EVI5: variants seen among roughly 807,000 people sequenced by gnomAD.
EVI5 encodes the protein ecotropic viral integration site 5 protein homolog.
Under a neutral mutation model 112.0 loss-of-function variants are expected in EVI5, and 73 were observed. The observed-to-expected ratio is 0.65, with a 90% confidence interval of 0.54 to 0.79. The LOEUF (loss-of-function observed/expected upper bound fraction) is 0.79, where lower values mean the gene tolerates loss of function less well. EVI5 is among the 30% of genes least tolerant of loss of function. The probability of loss-of-function intolerance (pLI) is 0.00; values close to 1 mark genes in which losing one functional copy is unlikely to be tolerated. For synonymous variants in EVI5, 305 were observed against 319.9 expected (o/e 0.95, Z 0.50); for missense variants, 900 against 968.8 (o/e 0.93, Z 0.94).
intron 19 of EVI5, among the ~76,000 whole-genome samples, chr1:92,521,828 C>CA (rs1162670901): frequency 6.6e-6 from 1 of 151,954 alleles, no homozygotes; most frequent in Non-Finnish European, 1.5e-5. Flanking sequence ...TGGAAATTGT[C>CA]AAAAAATGGT....
intron 16 of EVI5, among the ~76,000 whole-genome samples, chr1:92,623,071 A>G (rs1654925236): frequency 3.4e-5 from 1 of 29,402 alleles, no homozygotes; most frequent in African/African-American, 1.6e-4. Context: ...ACAATGGCTT[A>G]AAAGCTGTGT....
At chr1:92,719,190 T>C (rs1299488947) in intron 2 of EVI5, among the ~76,000 whole-genome samples, 1 of 151,226 alleles carries the variant, frequency 6.6e-6, no homozygotes, top group Non-Finnish European at 1.5e-5. Flanking sequence ...CCCTAACTCA[T>C]TTTCTGAGGC....
chr1:92,783,481 C>CA (rs1286517131), intron 1 of EVI5, among the ~76,000 whole-genome samples: 1 of 14,112 alleles, frequency 7.1e-5, no homozygotes, highest in Non-Finnish European at 1.4e-4. Flanking sequence ...GAGACTCAGC[C>CA]TTAAAAAAAA....
intron 10 of EVI5, among the ~76,000 whole-genome samples, chr1:92,666,996 A>C (rs1405347765): frequency 6.6e-6 from 1 of 152,148 alleles, no homozygotes; most frequent in Non-Finnish European, 1.5e-5. Flanking sequence ...CTAAACATCA[A>C]ATTTTCCATT....
At chr1:92,609,211 A>G (rs1005669466) in intron 16 of EVI5, among the ~76,000 whole-genome samples, 9 of 152,234 alleles carry the variant, frequency 5.9e-5, no homozygotes, top group African/African-American at 9.6e-5. Flanking sequence ...CTCATTTAAC[A>G]GTTCTTAAAA....
intron 14 of EVI5, among the ~76,000 whole-genome samples, chr1:92,630,503 G>T (rs887077790): frequency 9.2e-5 from 14 of 152,080 alleles, no homozygotes; most frequent in South Asian, 2.1e-4. Flanking sequence ...TCACCCACTT[G>T]TTGATGGGGT....
At chr1:92,636,069 CCTCTTAGT>C (rs1658764076) in intron 14 of EVI5, 125 bp downstream of exon 14, 4 of 681,346 alleles carry the variant, frequency 5.9e-6, no homozygotes, top group Non-Finnish European at 9.4e-6. Context: ...TTTTCCTTTT[CCTCTTAGT>C]AACTAATATG....
In EVI5 at chr1:92,580,617, T is replaced by C. The variant is rs1671790197; in HGVS notation, c.2071-16880A>G. 5 of 174,640 alleles carry C rather than the reference T, an allele frequency of 2.9e-5. No individual in the cohort carries two copies. The South Asian group carries it at 6.6e-4, about 23-fold the overall frequency. 10.8% of individuals were successfully genotyped at this position (174,640 alleles called of 1,614,324 possible). A position where few individuals can be genotyped will look rare whatever the true frequency, so the allele number is the denominator to read the frequency against. On this transcript the variant is annotated intron_variant, in intron 18 of 19. Coordinates refer to ENST00000684568, the MANE Select transcript of EVI5 (RefSeq NM_001350197.2). ...CTTCTGAGAGGGAGGTGCCAAAACA[T>C]GCTTTTTCAGTTGAATTTTGTGTTT... is the stretch of plus-strand genomic sequence containing the variant.
chr1:92,624,857 T>G (rs1416816179), intron 15 of EVI5, among the ~76,000 whole-genome samples: 7 of 152,154 alleles, frequency 4.6e-5, no homozygotes, highest in African/African-American at 1.7e-4. Context: ...CTGGGGCAAT[T>G]TTGCCCCGCC....
intron 2 of EVI5, among the ~76,000 whole-genome samples, chr1:92,718,163 G>A (rs959728316): frequency 2.6e-5 from 4 of 152,072 alleles, no homozygotes; most frequent in Admixed American, 6.6e-5. Flanking sequence ...GGATATCCAC[G>A]ACTTGAACTC....
chr1:92,755,898 A>T, intron 1 of EVI5: 1 of 172,362 alleles, frequency 5.8e-6, no homozygotes, highest in South Asian at 1.4e-4. Context: ...TTGCCCTCAT[A>T]CAAAGGCCAG....
At position 92,774,641 on chromosome 1, in the gene EVI5, C is replaced by T. The variant is rs550889524; in HGVS notation, c.-82+10195G>A. 9.5e-4 allele frequency among the ~76,000 whole-genome samples: 144 copies of T among 152,284 alleles called. 1 individual carries two copies. The South Asian group carries it at 0.012, about 12-fold the overall frequency. On this transcript the variant is annotated intron_variant, in intron 1 of 19. Coordinates refer to ENST00000684568, the MANE Select transcript of EVI5 (RefSeq NM_001350197.2). ...ACTTAAGAGGAGTCCTGATAACAAA[C>T]TTACAAGACACTAAATAGCAAAAAC...
At chr1:92,623,138 A>C (rs1359722897) in intron 16 of EVI5, among the ~76,000 whole-genome samples, 1 of 152,176 alleles carries the variant, frequency 6.6e-6, no homozygotes, top group Non-Finnish European at 1.5e-5. Context: ...AAAACTTCCC[A>C]TTGTAAAACT....
In EVI5 at chr1:92,607,565, T is replaced by C. The variant is rs1557887971; in HGVS notation, c.1974+16A>G. On this transcript the variant is annotated intron_variant, in intron 17 of 19. Coordinates refer to ENST00000684568, the MANE Select transcript of EVI5 (RefSeq NM_001350197.2). ...TATATTGACAAAAAACAAAATCAGTTAGTTGACATATTTACCTTGCATTCA... is the reference window on the plus strand; with the variant it reads ...TATATTGACAAAAAACAAAATCAGTCAGTTGACATATTTACCTTGCATTCA... 1 of 1,532,238 alleles carries C rather than the reference T, an allele frequency of 6.5e-7. No homozygotes were observed. The highest frequency in any genetic ancestry group is 2.4e-5 in the East Asian group (1 of 41,488). 94.9% of individuals were successfully genotyped at this position (1,532,238 alleles called of 1,614,324 possible).
intron 6 of EVI5, 68 bp from the exon 7 acceptor site, chr1:92,695,521 A>G (rs974908292): frequency 2.7e-5 from 29 of 1,057,496 alleles, no homozygotes; most frequent in Non-Finnish European, 3.4e-5. Context: ...TTATATTTAT[A>G]CTAGATTAGC....
intron 1 of EVI5, among the ~76,000 whole-genome samples, chr1:92,760,024 G>A (rs1681575566): frequency 6.6e-6 from 1 of 152,056 alleles, no homozygotes; most frequent in Admixed American, 6.6e-5. Flanking sequence ...GAGAACAGAA[G>A]TAACAGAAAC....
chr1:92,549,605 A>C (rs1327321302), intron 19 of EVI5, among the ~76,000 whole-genome samples: 2 of 152,136 alleles, frequency 1.3e-5, no homozygotes, highest in Non-Finnish European at 1.5e-5. Flanking sequence ...CTCATCTGAC[A>C]AAGGGCTAAT....
intron 1 of EVI5, among the ~76,000 whole-genome samples, chr1:92,765,513 C>T (rs2103012714): frequency 6.7e-6 from 1 of 150,328 alleles, no homozygotes; most frequent in Middle Eastern, 3.4e-3. Context: ...TATCAAGACA[C>T]ATATTTTTCT....
chr1:92,531,103 G>A (rs1662790567), intron 19 of EVI5, among the ~76,000 whole-genome samples: 1 of 151,862 alleles, frequency 6.6e-6, no homozygotes, highest in Non-Finnish European at 1.5e-5. Context: ...ATTACCTCAT[G>A]GAGCTGAAAA....
Sources: gnomAD v4.1 joint callset for allele counts (sites outside exome capture counted in the v4.1 genomes callset) on GRCh38, gnomAD v4.1.1 for gene constraint, MANE v1.5 for transcripts, NCBI Gene and HGNC (gene_info 2026-07-23, HGNC 2026-07-21) for gene names.